Variants in CLDN15 observed in about 807,000 individuals in gnomAD.
CLDN15 encodes the protein claudin 15.
CLDN15 carries 9 observed loss-of-function variants against 24.5 expected under a neutral mutation model. The observed-to-expected ratio is 0.37, with a 90% CI of 0.22 to 0.64. The LOEUF (loss-of-function observed/expected upper bound fraction) is 0.64, where lower values mean the gene tolerates loss of function less well. CLDN15 is among the 30% of genes least tolerant of loss of function. The pLI is 0.63. For synonymous variants in CLDN15, 149 were observed against 131.4 expected, an observed-to-expected ratio of 1.13 and a Z score of -0.92; for missense variants, 248 against 305.9, an observed-to-expected ratio of 0.81 and a Z score of 1.41.
At position 101,232,444 on chromosome 7, in the gene CLDN15, C is replaced by T; in HGVS notation, c.653G>A (p.Ser218Asn). Reference protein sequence around the residue: ...VATSDQEGDSSFGKYGRNAYV With the variant: ...VATSDQEGDSNFGKYGRNAYV ...GGCGTTTCTGCCGTATTTGCCAAAG[C>T]TGCTGTCGCCTTCTTGGTCCGAGGT... Residue 218 changes from serine to asparagine, a missense_variant, in exon 5 of 5, where the codon AGC (serine) becomes AAC (asparagine). Coordinates refer to ENST00000308344, the MANE Select transcript of CLDN15 (RefSeq NM_014343.3). 6.2e-7 allele frequency: 1 copy of T among 1,613,506 alleles called. No homozygotes were observed. Among genetic ancestry groups the T allele is most frequent in the Non-Finnish European group, 8.5e-7 (1 of 1,179,628 alleles).
At chr7:101,235,489 C>T (rs1419228778) in intron 1 of CLDN15, among the ~76,000 whole-genome samples, 1 of 152,214 alleles carries the variant, frequency 6.6e-6, no homozygotes, top group African/African-American at 2.4e-5. Context: ...CTAGCTCAGT[C>T]TTTCAGTGCC....
intron 1 of CLDN15, among the ~76,000 whole-genome samples, chr7:101,235,845 TG>T (rs1444366682): frequency 6.6e-6 from 1 of 152,036 alleles, no homozygotes; most frequent in Non-Finnish European, 1.5e-5. Context: ...GGCCAGGGGC[TG>T]GGGTGCACGG....
At chr7:101,234,693 C>T (rs1290658003) in intron 1 of CLDN15, among the ~76,000 whole-genome samples, 1 of 152,088 alleles carries the variant, frequency 6.6e-6, no homozygotes, top group Non-Finnish European at 1.5e-5. Flanking sequence ...TCCTGAAGTG[C>T]TGGGATTACA....
Position 101,234,053 on chromosome 7 carries a change from C to T in CLDN15, c.382+225G>A, listed in dbSNP as rs536171051. 2.5e-4 allele frequency: 175 copies of T among 696,856 alleles called. 4 individuals are homozygous for T. The highest frequency in any genetic ancestry group is 1.7e-3 in the South Asian group (113 of 67,160). The allele number at this position is 696,856 out of a possible 1,614,324, so 43.2% of individuals were successfully genotyped here. A position where few individuals can be genotyped will look rare whatever the true frequency, so the allele number is the denominator to read the frequency against. ...CTTCGAAGTCCCTCCCACACCTGGC[C>T]GTGGCCAGCCCCTACTGGGAGCTCA... On this transcript the variant is annotated intron_variant, in intron 2 of 4. Coordinates refer to ENST00000308344, the MANE Select transcript of CLDN15 (RefSeq NM_014343.3).
Position 101,237,390 on chromosome 7 carries a change from C to G in CLDN15, c.192G>C (p.Glu64Asp). ...CAGAGAGGGCCAGCATGGACGGGAA[C>G]TCCCAGCAGTTGTAGACGCCCAGGG... ...TDSLGVYNCW[E>D]FPSMLALSGY... Residue 64 changes from glutamate (E) to aspartate (D), a missense_variant, in exon 1 of 5, where the codon GAG (glutamate) becomes GAC (aspartate). By Grantham distance (45) the Glu-to-Asp change is conservative (BLOSUM62 2). Coordinates refer to ENST00000308344, the MANE Select transcript of CLDN15 (RefSeq NM_014343.3). The surrounding 1 kb of genome is among the most constrained non-coding windows in gnomAD (Gnocchi z 4.0). The G allele has an allele frequency of 6.2e-7, 1 of 1,612,534 alleles. No homozygotes were observed. The highest frequency in any genetic ancestry group is 8.5e-7 in the Non-Finnish European group (1 of 1,179,102).
chr7:101,233,736 T>TA (rs921387770), intron 2 of CLDN15: 1 of 196,102 alleles, frequency 5.1e-6, no homozygotes, highest in African/African-American at 2.4e-5. Flanking sequence ...TCAGTGGGAC[T>TA]ACAGGTGCCT....
intron 3 of CLDN15, 38 bp downstream of exon 3, chr7:101,232,795 T>A: frequency 6.3e-7 from 1 of 1,577,152 alleles, no homozygotes; most frequent in South Asian, 1.1e-5. Flanking sequence ...TCCCACCCGC[T>A]GCCCCGAGGG....
At position 101,237,385 on chromosome 7, in the gene CLDN15, G is replaced by C; in HGVS notation, c.197C>G (p.Pro66Arg). The C allele has an allele frequency of 1.2e-6, 2 of 1,610,854 alleles. No individual in the cohort carries two copies. Among genetic ancestry groups the C allele is most frequent in the Non-Finnish European group, 1.7e-6 (2 of 1,178,270 alleles). Residue 66 changes from proline (P) to arginine (R), a missense_variant, in exon 1 of 5, where the codon CCG becomes CGG. Physicochemically the swap from Pro to Arg is moderately radical, Grantham distance 103. Coordinates refer to ENST00000308344, the MANE Select transcript of CLDN15 (RefSeq NM_014343.3). The surrounding 1 kb of genome is among the most constrained non-coding windows in gnomAD (Gnocchi z 4.0). ...SLGVYNCWEF[P>R]SMLALSGYIQ... ...CATACCAGAGAGGGCCAGCATGGAC[G>C]GGAACTCCCAGCAGTTGTAGACGCC...
Position 101,232,867 on chromosome 7 carries a change from G to A in CLDN15, c.430C>T (p.Arg144Trp). ...AISWYAFNIT[R>W]DFFDPLYPGT... ...GGGTACAAGGGGTCGAAGAAGTCCCGGGTGATGTTGAAGGCGTACCAGGAG... is the reference window on the plus strand; with the variant it reads ...GGGTACAAGGGGTCGAAGAAGTCCCAGGTGATGTTGAAGGCGTACCAGGAG... The change falls in exon 3 of 5, where the codon CGG becomes TGG. Residue 144 changes from arginine to tryptophan, a missense_variant. Physicochemically the swap from Arg to Trp is moderately radical, Grantham distance 101. Coordinates refer to ENST00000308344, the MANE Select transcript of CLDN15 (RefSeq NM_014343.3). The A allele has an allele frequency of 6.2e-7, 1 of 1,613,458 alleles. No homozygotes were observed. The highest frequency in any genetic ancestry group is 8.5e-7 in the Non-Finnish European group (1 of 1,179,846).
At chr7:101,232,979 G>T in intron 2 of CLDN15, 65 bp from the exon 3 acceptor site, 1 of 1,162,002 alleles carries the variant, frequency 8.6e-7, no homozygotes, top group South Asian at 1.3e-5. Flanking sequence ...GGGGCTTAGG[G>T]GAGAGGCAGG....
intron 1 of CLDN15, chr7:101,236,786 G>A: frequency 7.7e-7 from 1 of 1,291,270 alleles, no homozygotes; most frequent in Non-Finnish European, 1.0e-6. Flanking sequence ...CGCTCAACCT[G>A]CAACTTGCAA....
At chr7:101,234,741 G>A (rs1798591949) in intron 1 of CLDN15, among the ~76,000 whole-genome samples, 1 of 151,872 alleles carries the variant, frequency 6.6e-6, no homozygotes, top group African/African-American at 2.4e-5. Context: ...TCACCTTCTT[G>A]CTCTCTTGTA....
At position 101,232,276 on chromosome 7, in the gene CLDN15, G is replaced by C. The variant is rs17135342; in HGVS notation, c.*134C>G. ...GAGGGGCCATGAGAGTGCAAGACAC[G>C]GGGCCGTGGCCGGGGCGGGGCTACG... On this transcript the variant is annotated 3_prime_UTR_variant, in exon 5 of 5. Transcript: ENST00000308344. 1.3e-5 allele frequency: 8 copies of C among 624,892 alleles called. No individual in the cohort carries two copies. The highest frequency in any genetic ancestry group is 2.2e-5 in the Non-Finnish European group (8 of 357,046). 38.7% of individuals were successfully genotyped at this position (624,892 alleles called of 1,614,324 possible). A position where few individuals can be genotyped will look rare whatever the true frequency, so the allele number is the denominator to read the frequency against.
chr7:101,232,770 G>A (rs752598301), intron 3 of CLDN15, 50 bp from the exon 4 acceptor site: 3 of 1,580,464 alleles, frequency 1.9e-6, no homozygotes, highest in East Asian at 2.2e-5. Flanking sequence ...ACGCCAGCCG[G>A]GGGGCAGGGC....
At position 101,237,728 on chromosome 7, in the gene CLDN15, G is replaced by T. The variant is rs952893364; in HGVS notation, c.-147C>A. On this transcript the variant is annotated 5_prime_UTR_variant, in exon 1 of 5. Transcript: ENST00000308344. This position sits in a 1 kb window ranked among gnomAD's most constrained non-coding sequence, Gnocchi z 4.0. ...TCAGCCTCTGCCTGCCTCTTCCTCGGGCTCAGGTCCGTCTCCACTTTCTGC... is the reference window on the plus strand; with the variant it reads ...TCAGCCTCTGCCTGCCTCTTCCTCGTGCTCAGGTCCGTCTCCACTTTCTGC... 1.5e-6 allele frequency: 1 copy of T among 650,070 alleles called. No individual in the cohort carries two copies. Among genetic ancestry groups the T allele is most frequent in the African/African-American group, 1.8e-5 (1 of 55,768 alleles). The allele number at this position is 650,070 out of a possible 1,614,324, so 40.3% of individuals were successfully genotyped here. A position where few individuals can be genotyped will look rare whatever the true frequency, so the allele number is the denominator to read the frequency against.
At chr7:101,233,743 GCCTGCCAC>G (rs1798545921) in intron 2 of CLDN15, 2 of 187,844 alleles carry the variant, frequency 1.1e-5, no homozygotes, top group Non-Finnish European at 2.2e-5. Flanking sequence ...GACTACAGGT[GCCTGCCAC>G]CACGCCTGGC....
chr7:101,238,486 G>A (rs908343494), upstream of CLDN15: 1 of 152,290 alleles, frequency 6.6e-6, no homozygotes, highest in Non-Finnish European at 1.5e-5. Context: ...TTGAACTCAG[G>A]AGTTCAAGAC....
At position 101,232,813 on chromosome 7, in the gene CLDN15, T is replaced by TG. The variant is rs1205433649; in HGVS notation, c.464+19dup. 3.0e-5 allele frequency: 48 copies of TG among 1,594,838 alleles called. No homozygotes were observed. The highest frequency in any genetic ancestry group is 1.7e-4 in the Middle Eastern group (1 of 5,972). On this transcript the variant is annotated intron_variant, in intron 3 of 4. Coordinates refer to ENST00000308344, the MANE Select transcript of CLDN15 (RefSeq NM_014343.3). Reference sequence around the variant, plus strand: ...CACCCGCTGCCCCGAGGGCGGGGGGTGGGGGGTTTCCTCACTCACTTGGTT... The same window carrying TG: ...CACCCGCTGCCCCGAGGGCGGGGGGTGGGGGGGTTTCCTCACTCACTTGGTT...
At chr7:101,238,110 C>T (rs1319768654), upstream of CLDN15, 2 of 189,140 alleles carry the variant, frequency 1.1e-5, no homozygotes, top group East Asian at 1.2e-4. Context: ...GGGACAGAGA[C>T]GGAGAGAGAA....
Sources: gnomAD v4.1 joint callset for allele counts (sites outside exome capture counted in the v4.1 genomes callset) on GRCh38, gnomAD v4.1.1 for gene constraint, Gnocchi (gnomAD v3.1) non-coding constraint, MANE v1.5 for transcripts, NCBI Gene and HGNC (gene_info 2026-07-23, HGNC 2026-07-21) for gene names.